Variants in PIK3C2G observed in about 807,000 individuals in gnomAD.
The protein encoded by PIK3C2G is phosphatidylinositol 3-kinase C2 domain-containing subunit gamma.
Under a neutral mutation model 181.1 loss-of-function variants are expected in PIK3C2G, and 168 were observed. The ratio of observed to expected loss-of-function variants is 0.93; its 90% CI spans 0.82 to 1.05. The LOEUF is 1.05. PIK3C2G is among the 50% of genes least tolerant of loss of function. The pLI, the probability that PIK3C2G is intolerant of heterozygous loss-of-function variation, is 0.00. For synonymous variants in PIK3C2G, 573 were observed against 592.2 expected, an observed-to-expected ratio of 0.97 and a Z score of 0.47; for missense variants, 1,869 against 1,732.8, an observed-to-expected ratio of 1.08 and a Z score of -1.40.
In PIK3C2G at chr12:18,435,687, A is replaced by G. The variant is rs551715201; in HGVS notation, c.2504+11648A>G. 3.1e-4 allele frequency among the ~76,000 whole-genome samples: 47 copies of G among 152,124 alleles called. No homozygotes were observed. The Middle Eastern group carries it at 0.014, about 44-fold the overall frequency. ...TCCAAATATAATCTTTCTTTTTATT[A>G]TTCTCAAGTAGTTACTCAAATTCTC... On this transcript the variant is annotated intron_variant, in intron 18 of 32. Transcript: ENST00000538779.
intron 32 of PIK3C2G, among the ~76,000 whole-genome samples, chr12:18,641,963 T>TG (rs1361381554): frequency 6.6e-6 from 1 of 152,160 alleles, no homozygotes; most frequent in Non-Finnish European, 1.5e-5. Context: ...TTGGTCAGGC[T>TG]GGTCTCAAAC....
intron 29 of PIK3C2G, among the ~76,000 whole-genome samples, chr12:18,577,198 G>A (rs1278948465): frequency 6.6e-6 from 1 of 152,178 alleles, no homozygotes; most frequent in Non-Finnish European, 1.5e-5. Flanking sequence ...AGAGCAGAAG[G>A]CAAAGAAGCC....
chr12:18,366,538 A>C (rs922474052), intron 12 of PIK3C2G, among the ~76,000 whole-genome samples: 2 of 152,212 alleles, frequency 1.3e-5, no homozygotes. Flanking sequence ...TCAAAAAAAT[A>C]AATAAATAAA....
intron 29 of PIK3C2G, among the ~76,000 whole-genome samples, chr12:18,588,674 A>G (rs1282555359): frequency 1.3e-5 from 2 of 152,110 alleles, no homozygotes; most frequent in East Asian, 3.9e-4. Flanking sequence ...CATTGTGGAA[A>G]GCAGTATGGT....
intron 18 of PIK3C2G, among the ~76,000 whole-genome samples, chr12:18,444,623 C>A (rs1371089307): frequency 3.3e-5 from 5 of 152,138 alleles, no homozygotes; most frequent in Non-Finnish European, 7.4e-5. Context: ...GCTGTTGCTG[C>A]TGATGATGAT....
At chr12:18,270,180 G>A (rs112106485) in intron 1 of PIK3C2G, among the ~76,000 whole-genome samples, 4 of 152,118 alleles carry the variant, frequency 2.6e-5, no homozygotes, top group African/African-American at 7.2e-5. Flanking sequence ...AAAGTGCTGG[G>A]ATTACAGGCG....
At chr12:18,250,199 T>G (rs1247424993) in intron 1 of PIK3C2G, among the ~76,000 whole-genome samples, 1 of 152,064 alleles carries the variant, frequency 6.6e-6, no homozygotes, top group Non-Finnish European at 1.5e-5. Context: ...TTTTATGTAC[T>G]ATATCTAGGT....
chr12:18,309,094 C>G (rs961520921), intron 5 of PIK3C2G, among the ~76,000 whole-genome samples: 1 of 150,714 alleles, frequency 6.6e-6, no homozygotes, highest in Admixed American at 6.6e-5. Context: ...CCAAAATCAA[C>G]AAGTAATAGT....
At chr12:18,563,352 A>G in intron 27 of PIK3C2G, 25 bp from the exon 28 acceptor site, 1 of 1,587,468 alleles carries the variant, frequency 6.3e-7, no homozygotes, top group Non-Finnish European at 8.6e-7. Context: ...CCATCTTTTG[A>G]TTTCTATCTA....
chr12:18,300,620 A>G (rs1177805367), intron 5 of PIK3C2G, among the ~76,000 whole-genome samples: 4 of 152,100 alleles, frequency 2.6e-5, no homozygotes, highest in African/African-American at 9.7e-5. Flanking sequence ...ATTCAAGGTT[A>G]TAATTGATAG....
chr12:18,272,900 C>T (rs1010140200), intron 1 of PIK3C2G, among the ~76,000 whole-genome samples: 1 of 152,020 alleles, frequency 6.6e-6, no homozygotes, highest in Non-Finnish European at 1.5e-5. Context: ...TGTTCCAGTA[C>T]CACAATCTGA....
At chr12:18,272,317 GA>G (rs1453807933) in intron 1 of PIK3C2G, among the ~76,000 whole-genome samples, 1 of 151,998 alleles carries the variant, frequency 6.6e-6, no homozygotes, top group Admixed American at 6.6e-5. Context: ...ATTAAATCTA[GA>G]GGCTTAATCA....
chr12:18,608,275 C>T (rs1389789871), intron 30 of PIK3C2G, among the ~76,000 whole-genome samples: 3 of 152,002 alleles, frequency 2.0e-5, no homozygotes, highest in Non-Finnish European at 1.5e-5. Context: ...TATTGCGGCA[C>T]TATTCACAAT....
At chr12:18,293,106 T>A (rs6486898) in intron 4 of PIK3C2G, among the ~76,000 whole-genome samples, 55,762 of 152,012 alleles carry the variant, frequency 0.37, 10,400 homozygotes, top group Non-Finnish European at 0.41. Flanking sequence ...CTATTATTAA[T>A]ATTAATACTA....
intron 5 of PIK3C2G, among the ~76,000 whole-genome samples, chr12:18,296,284 G>T (rs1949937634): frequency 6.6e-6 from 1 of 152,074 alleles, no homozygotes; most frequent in African/African-American, 2.4e-5. Flanking sequence ...TTAACACCGT[G>T]TTCTCAAACT....
intron 5 of PIK3C2G, among the ~76,000 whole-genome samples, chr12:18,302,407 CAGT>C (rs1184067446): frequency 2.0e-5 from 3 of 152,134 alleles, no homozygotes; most frequent in Admixed American, 6.5e-5. Flanking sequence ...TGGGTTCCAG[CAGT>C]GGTGGTGGTG....
chr12:18,287,225 T>G (rs1459863023), intron 3 of PIK3C2G, among the ~76,000 whole-genome samples: 1 of 152,178 alleles, frequency 6.6e-6, no homozygotes, highest in Non-Finnish European at 1.5e-5. Context: ...AATTTTTTTT[T>G]TTGTTTAATG....
At chr12:18,447,256 C>G (rs1353051764) in intron 18 of PIK3C2G, among the ~76,000 whole-genome samples, 4 of 152,136 alleles carry the variant, frequency 2.6e-5, no homozygotes, top group African/African-American at 7.2e-5. Context: ...TTGCTTGTGC[C>G]CAGTTAGGTA....
intron 17 of PIK3C2G, among the ~76,000 whole-genome samples, chr12:18,421,759 C>CTT (rs79447636): frequency 1.1e-3 from 164 of 144,854 alleles, no homozygotes; most frequent in East Asian, 4.0e-4. Flanking sequence ...TTTAATCCAG[C>CTT]TTTTTTTTTT....
Sources: allele counts gnomAD v4.1 joint callset (sites outside exome capture counted in the v4.1 genomes callset), GRCh38; gene constraint gnomAD v4.1.1; transcripts MANE v1.5; gene names NCBI Gene and HGNC (gene_info 2026-07-23, HGNC 2026-07-21).